Variants in SEPTIN1 observed in about 807,000 individuals in gnomAD.
SEPTIN1 encodes the protein septin 1.
SEPTIN1 carries 52 observed loss-of-function variants against 50.7 expected under a neutral mutation model. The observed-to-expected ratio is 1.03, with a 90% CI of 0.82 to 1.29. The LOEUF is 1.29. Ranked by LOEUF, SEPTIN1 falls within the 50% of genes most tolerant of loss-of-function variation. The pLI, the probability that SEPTIN1 is intolerant of heterozygous loss-of-function variation, is 0.00. For missense variants in SEPTIN1, 455 were observed against 490.7 expected (o/e 0.93, Z 0.69); for synonymous variants, 204 against 189.1 (o/e 1.08, Z -0.65).
Position 30,381,701 on chromosome 16 carries a change from C to G in SEPTIN1, c.320+59G>C. 8 of 1,600,954 alleles carry G rather than the reference C, an allele frequency of 5.0e-6. No homozygotes were observed. Among genetic ancestry groups the G allele is most frequent in the Middle Eastern group, 1.7e-4 (1 of 6,004 alleles). On this transcript the variant is annotated intron_variant, in intron 4 of 10. Coordinates refer to ENST00000321367, the MANE Select transcript of SEPTIN1 (RefSeq NM_001365977.2). This position sits in a 1 kb window ranked among gnomAD's most constrained non-coding sequence, Gnocchi z 4.3. ...GAGCCAGCACAAACCAGTCCTGTAA[C>G]TCTCCAGGGAGTCGCCACTGTGAAA... is the stretch of plus-strand genomic sequence containing the variant.
intron 8 of SEPTIN1, 45 bp from the exon 9 acceptor site, chr16:30,379,228 G>A (rs1249431727): frequency 1.2e-6 from 2 of 1,608,134 alleles, no homozygotes; most frequent in African/African-American, 2.7e-5. Flanking sequence ...GGGAGTTTCG[G>A]GTCCAACCCA....
rs778284741 is a variant in SEPTIN1 at position 30,378,394 on chromosome 16, C to T, written c.*40G>A. On this transcript the variant is annotated 3_prime_UTR_variant, in exon 11 of 11. Coordinates refer to ENST00000321367, the MANE Select transcript of SEPTIN1 (RefSeq NM_001365977.2). ...GCGCGGGGATTGGACAAGAGGCCGA[C>T]TGAAGGCGGAGCCGAGGTAAGGCCG... 1 of 1,519,582 alleles carries T rather than the reference C, an allele frequency of 6.6e-7. No homozygotes were observed. The highest frequency in any genetic ancestry group is 8.8e-7 in the Non-Finnish European group (1 of 1,141,832). The allele number at this position is 1,519,582 out of a possible 1,614,324, so 94.1% of individuals were successfully genotyped here.
chr16:30,379,007 C>A lies in SEPTIN1; in HGVS notation c.941+11G>T, dbSNP rs781472907. On this transcript the variant is annotated intron_variant, in intron 9 of 10. Transcript: ENST00000321367. ...CTTGGAGGCTCTGATACTGTCCGCC[C>A]CGGGTCTCACCTGCGGCTGGCTCGA... The A allele has an allele frequency of 2.5e-6, 4 of 1,611,708 alleles. No homozygotes were observed. Among genetic ancestry groups the A allele is most frequent in the Non-Finnish European group, 3.4e-6 (4 of 1,179,200 alleles).
intron 6 of SEPTIN1, 166 bp from the exon 7 acceptor site, chr16:30,380,199 C>G (rs1337157427): frequency 2.1e-6 from 1 of 468,538 alleles, no homozygotes; most frequent in East Asian, 3.8e-5. Context: ...AAAACAAAAT[C>G]TCAGAGACAT....
At position 30,381,105 on chromosome 16, in the gene SEPTIN1, G is replaced by A. The variant is rs760476732; in HGVS notation, c.573+22C>T. On this transcript the variant is annotated intron_variant, in intron 6 of 10. Transcript: ENST00000321367. This position sits in a 1 kb window ranked among gnomAD's most constrained non-coding sequence, Gnocchi z 4.3. ...AGGTTTGGCTTCACATGGGGTCAAA[G>A]GTCAGAGGTCATCACTCACACCTTC... 2 of 1,580,690 alleles carry A rather than the reference G, an allele frequency of 1.3e-6. No individual in the cohort carries two copies. The highest frequency in any genetic ancestry group is 2.2e-5 in the East Asian group (1 of 44,724).
chr16:30,380,797 C>G (rs766392687), intron 6 of SEPTIN1: 122 of 333,672 alleles, frequency 3.7e-4, no homozygotes, highest in Non-Finnish European at 1.4e-4. Flanking sequence ...AAAGAGAGGC[C>G]GAGAGAGATA....
At position 30,381,868 on chromosome 16, in the gene SEPTIN1, G is replaced by A. The variant is rs1176553040; in HGVS notation, c.212C>T (p.Thr71Ile). Reference sequence around the variant, plus strand: ...TACGCCCCGGCGCTCAATGGCCAGGGTCTGTGTCAAGCGAGCTGTGGGATG... The same window carrying A: ...TACGCCCCGGCGCTCAATGGCCAGGATCTGTGTCAAGCGAGCTGTGGGATG... ...VPEASARLTQ[T>I]LAIERRGVEI... Residue 71 changes from threonine (T) to isoleucine (I), a missense_variant, in exon 4 of 11, where the codon ACC (threonine) becomes ATC (isoleucine). Physicochemically the swap from Thr to Ile is moderately conservative, Grantham distance 89. Coordinates refer to ENST00000321367, the MANE Select transcript of SEPTIN1 (RefSeq NM_001365977.2). The surrounding 1 kb of genome is among the most constrained non-coding windows in gnomAD (Gnocchi z 4.3). 1.2e-6 allele frequency: 2 copies of A among 1,614,046 alleles called. No individual in the cohort carries two copies. Among genetic ancestry groups the A allele is most frequent in the Non-Finnish European group, 1.7e-6 (2 of 1,180,018 alleles).
At chr16:30,382,811 T>C, upstream of SEPTIN1, 4 of 1,534,544 alleles carry the variant, frequency 2.6e-6, no homozygotes, top group Non-Finnish European at 2.6e-6. This position sits in a 1 kb window ranked among gnomAD's most constrained non-coding sequence, Gnocchi z 4.8. Flanking sequence ...ACATGGGGTA[T>C]GTGCAGAGAG....
chr16:30,378,994 G>A (rs752076016), intron 9 of SEPTIN1, 24 bp downstream of exon 9: 3 of 1,607,424 alleles, frequency 1.9e-6, no homozygotes, highest in Non-Finnish European at 2.5e-6. Context: ...TGGAGGCTCT[G>A]ATACTGTCCG....
chr16:30,378,903 A>C, intron 9 of SEPTIN1, 115 bp downstream of exon 9: 4 of 884,534 alleles, frequency 4.5e-6, no homozygotes, highest in Non-Finnish European at 4.9e-6. Flanking sequence ...AGGGAGGGAG[A>C]GAGAAGTCTG....
At position 30,379,439 on chromosome 16, in the gene SEPTIN1, C is replaced by T; in HGVS notation, c.771G>A (p.Val257=). The T allele has an allele frequency of 6.2e-7, 1 of 1,613,712 alleles. No homozygotes were observed. The highest frequency in any genetic ancestry group is 8.5e-7 in the Non-Finnish European group (1 of 1,179,790). Residue 257 remains valine (V), a synonymous_variant, in exon 8 of 11, where the codon GTG becomes GTA. Coordinates refer to ENST00000321367, the MANE Select transcript of SEPTIN1 (RefSeq NM_001365977.2). ...VRGRRYSWGT[V]EVENPHHCDF... is the part of the protein sequence containing the mutation. Reference sequence around the variant, plus strand: ...CCCCTGCCTGGCCTCACTCACCCTCCACGGTCCCCCAGGAGTAGCGGCGTC... The same window carrying T: ...CCCCTGCCTGGCCTCACTCACCCTCTACGGTCCCCCAGGAGTAGCGGCGTC...
chr16:30,379,144 C>G lies in SEPTIN1; in HGVS notation c.815G>C (p.Arg272Pro). 6.2e-7 allele frequency: 1 copy of G among 1,614,130 alleles called. No homozygotes were observed. The highest frequency in any genetic ancestry group is 2.2e-5 in the East Asian group (1 of 44,880). ...CTGCAGGTGTGTCTGCACCAGCATC[C>G]GTCGCAGGTTCAGGAAATCGCAGTG... Reference protein sequence around the residue: ...PHHCDFLNLRRMLVQTHLQDL... With the variant: ...PHHCDFLNLRPMLVQTHLQDL... Residue 272 changes from arginine to proline, a missense_variant, in exon 9 of 11, where the codon CGG becomes CCG. Physicochemically the swap from Arg to Pro is moderately radical, Grantham distance 103. Transcript: ENST00000321367.
Position 30,381,167 on chromosome 16 carries a change from T to C in SEPTIN1, c.533A>G (p.Asp178Gly). 1 of 1,614,072 alleles carries C rather than the reference T, an allele frequency of 6.2e-7. No individual in the cohort carries two copies. The highest frequency in any genetic ancestry group is 1.1e-5 in the South Asian group (1 of 91,080). Reference protein sequence around the residue: ...VNIIPVIGKADALMPQETQAL... With the variant: ...VNIIPVIGKAGALMPQETQAL... ...CTGGGTTTCCTGGGGCATCAGAGCA[T>C]CCGCTTTGCCAATGACTGGGATGAT... The change falls in exon 6 of 11, where the codon GAT becomes GGT. Residue 178 changes from aspartate (D) to glycine (G), a missense_variant. Asp to Gly is a moderately conservative substitution (Grantham distance 94, BLOSUM62 -1). Transcript: ENST00000321367. The surrounding 1 kb of genome is among the most constrained non-coding windows in gnomAD (Gnocchi z 4.3).
rs868162285 is a variant in SEPTIN1, at chr16:30,380,001, G to A, written c.606C>T (p.His202=). 3 of 1,612,664 alleles carry A rather than the reference G, an allele frequency of 1.9e-6. No individual in the cohort carries two copies. Among genetic ancestry groups the A allele is most frequent in the Middle Eastern group, 3.3e-4 (2 of 6,056 alleles). ...IRDQLKEEEI[H]IYQFPECDSD... ...AGTCACATTCGGGGAACTGGTAGAT[G>A]TGGATCTCCTCTTCCTTCAACTGAT... The change falls in exon 7 of 11, where the codon CAC becomes CAT. Residue 202 remains histidine (H), a synonymous_variant. Transcript: ENST00000321367.
rs141776058 is a variant in SEPTIN1 at position 30,382,333 on chromosome 16, G to A, written c.51C>T (p.Pro17=). 431 of 1,613,628 alleles carry A rather than the reference G, an allele frequency of 2.7e-4. 4 individuals carry two copies. In the African/African-American group the frequency reaches 4.7e-3, roughly 18 times the overall value. ...TGACAGACTTGCGGTGCAGCTGGTT[G>A]GGGAGGGCAGCAAAACCCACGTACT... ...DKEYVGFAAL[P]NQLHRKSVKK... The change falls in exon 2 of 11, where the codon CCC becomes CCT. Residue 17 remains proline, a synonymous_variant. Transcript: ENST00000321367. This position sits in a 1 kb window ranked among gnomAD's most constrained non-coding sequence, Gnocchi z 4.8.
At position 30,382,312 on chromosome 16, in the gene SEPTIN1, A is replaced by G; in HGVS notation, c.72T>C (p.Ser24=). Residue 24 remains serine, a synonymous_variant, in exon 2 of 11, where the codon TCT becomes TCC. Transcript: ENST00000321367. This position sits in a 1 kb window ranked among gnomAD's most constrained non-coding sequence, Gnocchi z 4.8. ...AALPNQLHRK[S]VKKGFDFTLM... is the part of the protein sequence containing the mutation. ...GCGTGAAGTCAAACCCCTTCTTGAC[A>G]GACTTGCGGTGCAGCTGGTTGGGGA... 2 of 1,613,882 alleles carry G rather than the reference A, an allele frequency of 1.2e-6. No individual in the cohort carries two copies. Among genetic ancestry groups the G allele is most frequent in the Non-Finnish European group, 1.7e-6 (2 of 1,179,848 alleles).
At position 30,382,465 on chromosome 16, in the gene SEPTIN1, G is replaced by T; in HGVS notation, c.18+60C>A. On this transcript the variant is annotated intron_variant, in intron 1 of 10. Transcript: ENST00000321367. This position sits in a 1 kb window ranked among gnomAD's most constrained non-coding sequence, Gnocchi z 4.8. ...GCTAGGAAGAGTCAGTGGGGTCTGG[G>T]GACCCCAGGCATGGGGGCTGGGGGC... 6.4e-7 allele frequency: 1 copy of T among 1,569,162 alleles called. No homozygotes were observed. Among genetic ancestry groups the T allele is most frequent in the East Asian group, 2.3e-5 (1 of 44,372 alleles).
At position 30,379,075 on chromosome 16, in the gene SEPTIN1, C is replaced by G; in HGVS notation, c.884G>C (p.Arg295Pro). The G allele has an allele frequency of 2.5e-6, 4 of 1,613,980 alleles. No individual in the cohort carries two copies. The highest frequency in any genetic ancestry group is 1.1e-5 in the South Asian group (1 of 91,082). The change falls in exon 9 of 11, where the codon CGG becomes CCG. Residue 295 changes from arginine (R) to proline (P), a missense_variant. By Grantham distance (103) the Arg-to-Pro change is moderately radical. Transcript: ENST00000321367. The stretch of plus-strand genomic sequence containing the variant: ...GGCCAGGCTCTGTAGGCAGCGGGCC[C>G]GGTAGCCCTCGTAGAGCAGATCGTG... ...VTHDLLYEGY[R>P]ARCLQSLARP...
chr16:30,380,876 CAT>C, intron 6 of SEPTIN1: 1 of 550,242 alleles, frequency 1.8e-6, no homozygotes. Context: ...ACTATGTTCT[CAT>C]GTCTATGCTC....
Sources: gnomAD v4.1 joint callset for allele counts on GRCh38, gnomAD v4.1.1 for gene constraint, Gnocchi (gnomAD v3.1) non-coding constraint, MANE v1.5 for transcripts, NCBI Gene and HGNC (gene_info 2026-07-23, HGNC 2026-07-21) for gene names.